The following FRMD6 variants were observed in gnomAD, a reference collection of about 807,000 sequenced individuals.
FRMD6 encodes the protein FERM domain-containing protein 6.
In FRMD6, 37 loss-of-function variants were observed where a neutral mutation model predicts 73.2. That is an observed-to-expected ratio of 0.51 (90% CI 0.39 to 0.66). FRMD6 has a LOEUF of 0.66. Among genes scored for constraint, FRMD6 ranks in the 30% least tolerant of loss-of-function variants. The probability of loss-of-function intolerance (pLI) is 0.00; values close to 1 mark genes in which losing one functional copy is unlikely to be tolerated. For synonymous variants in FRMD6, 273 were observed against 282.2 expected (o/e 0.97, Z 0.33); for missense variants, 714 against 780.5 (o/e 0.91, Z 1.02).
chr14:51,594,257 T>C (rs1029802748), intron 2 of FRMD6, among the ~76,000 whole-genome samples: 3 of 152,214 alleles, frequency 2.0e-5, no homozygotes, highest in Admixed American at 1.3e-4. Flanking sequence ...TCCAAGTAAC[T>C]GGGATTACAG....
chr14:51,406,976 CTT>C, the FRMD6 span, among the ~76,000 whole-genome samples: 16 of 152,146 alleles, frequency 1.1e-4, no homozygotes, highest in East Asian at 3.1e-3. Flanking sequence ...ATCAGACAAA[CTT>C]GATAAACTGT....
intron 2 of FRMD6, among the ~76,000 whole-genome samples, chr14:51,597,860 C>CA (rs1348463519): frequency 2.0e-5 from 3 of 152,128 alleles, no homozygotes; most frequent in Admixed American, 6.5e-5. Flanking sequence ...GGGTGGAGTG[C>CA]AGCGCCCAAG....
At chr14:51,569,507 C>CTTTTTTTTTTTT (rs34661155) in intron 1 of FRMD6, among the ~76,000 whole-genome samples, 28 of 122,794 alleles carry the variant, frequency 2.3e-4, no homozygotes, top group Non-Finnish European at 3.0e-4. Flanking sequence ...TTCTTTCTTT[C>CTTTTTTTTTTTT]TTTTTTTTTT....
At chr14:51,669,730 A>AT (rs1162557004) in intron 1 of FRMD6, among the ~76,000 whole-genome samples, 7 of 152,100 alleles carry the variant, frequency 4.6e-5, no homozygotes, top group East Asian at 1.9e-4. Context: ...ATATTTTTGG[A>AT]TTTAAGTCTT....
At chr14:51,566,684 G>C (rs2025025) in intron 1 of FRMD6, among the ~76,000 whole-genome samples, 10 of 152,156 alleles carry the variant, frequency 6.6e-5, no homozygotes, top group Non-Finnish European at 1.3e-4. Flanking sequence ...CGGTTGGTGC[G>C]AAATAATTGC....
At chr14:51,628,880 T>TC (rs200451517) in intron 2 of FRMD6, among the ~76,000 whole-genome samples, 4,431 of 134,958 alleles carry the variant, frequency 0.033, 107 homozygotes, top group African/African-American at 0.044. Context: ...TTCTTTTCTT[T>TC]TTTTTTTTTT....
intron 1 of FRMD6, among the ~76,000 whole-genome samples, chr14:51,569,937 T>G (rs1888022388): frequency 6.6e-6 from 1 of 151,964 alleles, no homozygotes; most frequent in South Asian, 2.1e-4. Flanking sequence ...TGCCTCAGCC[T>G]CCCGAGTAGC....
intron 2 of FRMD6, among the ~76,000 whole-genome samples, chr14:51,629,422 C>T (rs1891253801): frequency 6.6e-6 from 1 of 152,142 alleles, no homozygotes; most frequent in African/African-American, 2.4e-5. Context: ...GTAGGTCTAA[C>T]TTTTTAAGAA....
At chr14:51,470,911 T>G in the FRMD6 span, among the ~76,000 whole-genome samples, 6 of 152,238 alleles carry the variant, frequency 3.9e-5, no homozygotes, top group Admixed American at 3.9e-4. Context: ...TTGTCCAGCA[T>G]ATGGCCTATT....
chr14:51,647,869 A>C (rs1217356035), upstream of FRMD6, among the ~76,000 whole-genome samples: 10 of 152,176 alleles, frequency 6.6e-5, no homozygotes. Context: ...CTTGTTGCCT[A>C]GGCTGGAGTG....
the FRMD6 span, among the ~76,000 whole-genome samples, chr14:51,443,373 G>A: frequency 1.3e-3 from 204 of 152,292 alleles, 3 homozygotes; most frequent in African/African-American, 4.6e-3. Context: ...TTCTCTGAGT[G>A]TCAAAATGGA....
At chr14:51,467,726 G>C in the FRMD6 span, among the ~76,000 whole-genome samples, 1 of 150,792 alleles carries the variant, frequency 6.6e-6, no homozygotes, top group Admixed American at 6.6e-5. Flanking sequence ...CCACATCCCA[G>C]ACGATGGGTG....
the FRMD6 span, among the ~76,000 whole-genome samples, chr14:51,471,955 G>C: frequency 6.6e-6 from 1 of 152,144 alleles, no homozygotes; most frequent in Non-Finnish European, 1.5e-5. Flanking sequence ...TGCCATGTGA[G>C]GACACACTGT....
At chr14:51,512,905 C>T (rs1412734453) in intron 1 of FRMD6, among the ~76,000 whole-genome samples, 1 of 152,186 alleles carries the variant, frequency 6.6e-6, no homozygotes, top group Admixed American at 6.5e-5. Flanking sequence ...ACCACTGAGG[C>T]ACCTCAAGGG....
the FRMD6 span, among the ~76,000 whole-genome samples, chr14:51,477,902 C>T: frequency 6.6e-6 from 1 of 151,910 alleles, no homozygotes; most frequent in African/African-American, 2.4e-5. Flanking sequence ...ACCATGCTGG[C>T]TAATTTTGTA....
Position 51,711,593 on chromosome 14 carries a change from T to G in FRMD6, c.777T>G (p.Phe259Leu), listed in dbSNP as rs202146570. Residue 259 changes from phenylalanine (F) to leucine (L), a missense_variant, in exon 8 of 14, where the codon TTT becomes TTG. By Grantham distance (22) the Phe-to-Leu change is conservative (BLOSUM62 0). Transcript: ENST00000344768. ...LGLTMRGIQIFQNLDEEKQLL... is the reference protein window; with the variant it reads ...LGLTMRGIQILQNLDEEKQLL... ...TGACCATGAGGGGAATACAGATTTTTCAGGTTGGTAAATGAGAATTGTGTC... is the reference window on the plus strand; with the variant it reads ...TGACCATGAGGGGAATACAGATTTTGCAGGTTGGTAAATGAGAATTGTGTC... The G allele has an allele frequency of 1.9e-6, 3 of 1,603,614 alleles. No homozygotes were observed. The East Asian group carries it at 6.7e-5, about 36-fold the overall frequency.
At chr14:51,409,979 C>G in the FRMD6 span, among the ~76,000 whole-genome samples, 2 of 152,188 alleles carry the variant, frequency 1.3e-5, no homozygotes, top group African/African-American at 4.8e-5. Context: ...GGTCATATCT[C>G]AAACTTCTTG....
chr14:51,540,692 A>T (rs1323025657), intron 1 of FRMD6, among the ~76,000 whole-genome samples: 1 of 143,538 alleles, frequency 7.0e-6, no homozygotes, highest in African/African-American at 2.8e-5. Context: ...ACAAGATACA[A>T]ATATTTATAG....
chr14:51,536,091 T>C (rs373258862), intron 1 of FRMD6, among the ~76,000 whole-genome samples: 4 of 139,306 alleles, frequency 2.9e-5, no homozygotes, highest in African/African-American at 5.3e-5. Flanking sequence ...TATATATATA[T>C]ATATATAGAG....
Sources: gnomAD v4.1 joint callset for allele counts (sites outside exome capture counted in the v4.1 genomes callset) on GRCh38, gnomAD v4.1.1 for gene constraint, MANE v1.5 for transcripts, NCBI Gene and HGNC (gene_info 2026-07-23, HGNC 2026-07-21) for gene names.